The following PACRG variants were observed in gnomAD, a reference collection of about 807,000 sequenced individuals.
The protein encoded by PACRG is parkin coregulated.
A neutral mutation model predicts 29.7 loss-of-function variants in PACRG; 29 were observed. The ratio of observed to expected loss-of-function variants is 0.98; its 90% CI spans 0.73 to 1.33. The LOEUF (loss-of-function observed/expected upper bound fraction) is 1.33. Among genes scored for constraint, PACRG ranks in the 40% most tolerant of loss-of-function variants. PACRG has a pLI of 0.00. For synonymous variants in PACRG, 116 were observed against 118.7 expected (o/e 0.98, Z 0.15); for missense variants, 279 against 316.2 (o/e 0.88, Z 0.89).
At chr6:162,798,042 C>G (rs958157055) in intron 1 of PACRG, among the ~76,000 whole-genome samples, 1 of 152,124 alleles carries the variant, frequency 6.6e-6, no homozygotes, top group Non-Finnish European at 1.5e-5. Flanking sequence ...AGTTTTGCTG[C>G]TCTTTTAAAT....
At chr6:162,750,132 A>G (rs2128278581) in intron 1 of PACRG, among the ~76,000 whole-genome samples, 1 of 152,330 alleles carries the variant, frequency 6.6e-6, no homozygotes, top group East Asian at 1.9e-4. Context: ...GTGTACATAA[A>G]ACTTAAATTT....
chr6:163,131,687 G>A (rs1166077745), intron 4 of PACRG, among the ~76,000 whole-genome samples: 4 of 152,146 alleles, frequency 2.6e-5, no homozygotes, highest in Admixed American at 2.0e-4. Context: ...GCCCTCAGCT[G>A]TGAATCGGAG....
At position 163,032,666 on chromosome 6, in the gene PACRG, G is replaced by A. The variant is rs186309198; in HGVS notation, c.292-29484G>A. On this transcript the variant is annotated intron_variant, in intron 2 of 4. Transcript: ENST00000366888. ...AACATTTATACAAATACAGCCCAAA[G>A]AAAACCAATCATTTTATATTTGACA... is the stretch of plus-strand genomic sequence containing the variant. 1.4e-4 allele frequency among the ~76,000 whole-genome samples: 22 copies of A among 152,242 alleles called. No individual in the cohort carries two copies. In the East Asian group the frequency reaches 4.2e-3, roughly 29 times the overall value.
intron 2 of PACRG, chr6:163,052,181 C>A (rs1380573498): frequency 6.6e-6 from 1 of 152,076 alleles, no homozygotes; most frequent in Non-Finnish European, 1.5e-5. Context: ...TGTAAGACCT[C>A]TTGTAATAAC....
At chr6:162,874,118 C>A (rs1018329733) in intron 2 of PACRG, among the ~76,000 whole-genome samples, 4 of 128,490 alleles carry the variant, frequency 3.1e-5, no homozygotes, top group Non-Finnish European at 4.8e-5. Flanking sequence ...CCAGACAGAT[C>A]AGGCAAAAAC....
At chr6:163,087,692 G>C (rs1294413018) in intron 3 of PACRG, among the ~76,000 whole-genome samples, 1 of 151,652 alleles carries the variant, frequency 6.6e-6, no homozygotes, top group Non-Finnish European at 1.5e-5. Context: ...GACCAGAAGA[G>C]AGGAGGTGAG....
intron 4 of PACRG, among the ~76,000 whole-genome samples, chr6:163,133,265 A>G (rs189373185): frequency 2.6e-5 from 4 of 152,340 alleles, no homozygotes; most frequent in East Asian, 1.9e-4. Context: ...ACTCAGTCAC[A>G]TGACCACACC....
chr6:163,073,246 A>G (rs1031690484), intron 3 of PACRG, among the ~76,000 whole-genome samples: 2 of 152,188 alleles, frequency 1.3e-5, no homozygotes, highest in East Asian at 3.8e-4. Context: ...GACCAGTGGA[A>G]CAGCATAGAT....
intron 1 of PACRG, among the ~76,000 whole-genome samples, chr6:162,753,772 A>G (rs906669385): frequency 6.6e-6 from 1 of 152,144 alleles, no homozygotes; most frequent in African/African-American, 2.4e-5. Context: ...TATGTAAGAC[A>G]TGCCTTGCTT....
intron 2 of PACRG, among the ~76,000 whole-genome samples, chr6:162,883,006 G>A (rs1336464320): frequency 2.0e-5 from 3 of 152,166 alleles, no homozygotes; most frequent in Non-Finnish European, 4.4e-5. Context: ...TCACTGGCAG[G>A]GGCACCTCGA....
At chr6:162,958,707 G>A (rs956311152) in intron 2 of PACRG, among the ~76,000 whole-genome samples, 7 of 149,938 alleles carry the variant, frequency 4.7e-5, no homozygotes, top group African/African-American at 1.7e-4. Flanking sequence ...GTATGTGGAG[G>A]CAGACAATAA....
At chr6:162,806,131 C>T (rs796450213) in intron 1 of PACRG, among the ~76,000 whole-genome samples, 2 of 147,192 alleles carry the variant, frequency 1.4e-5, no homozygotes, top group African/African-American at 2.5e-5. Flanking sequence ...TTTTTTAGAT[C>T]GAGTTTCACT....
At chr6:163,101,484 G>T (rs1322851714) in intron 4 of PACRG, 2 of 863,110 alleles carry the variant, frequency 2.3e-6, no homozygotes, top group East Asian at 1.2e-4. Context: ...CTTAGATGTT[G>T]TTCTTTCTGG....
At chr6:162,905,968 G>A (rs1795903778) in intron 2 of PACRG, among the ~76,000 whole-genome samples, 1 of 152,124 alleles carries the variant, frequency 6.6e-6, no homozygotes, top group Admixed American at 6.5e-5. Flanking sequence ...CAGCATGGGA[G>A]CCATTTTGCA....
At position 162,739,634 on chromosome 6, in the gene PACRG, G is replaced by A. The variant is rs192258791; in HGVS notation, c.156+11243G>A. Among the ~76,000 whole-genome samples, 15 of 152,106 alleles carry A rather than the reference G, an allele frequency of 9.9e-5. No individual in the cohort carries two copies. The East Asian group carries it at 2.7e-3, about 28-fold the overall frequency. ...TGACGCAGGTGAATCACGAGGTCAG[G>A]AGATTGAGACCATCCCGGCTAACAT... On this transcript the variant is annotated intron_variant, in intron 1 of 4. Transcript: ENST00000366888.
intron 2 of PACRG, among the ~76,000 whole-genome samples, chr6:163,057,949 A>G (rs889480010): frequency 6.6e-6 from 1 of 152,212 alleles, no homozygotes; most frequent in Non-Finnish European, 1.5e-5. Context: ...AAAATATGCC[A>G]TTCCAGTCAA....
intron 2 of PACRG, among the ~76,000 whole-genome samples, chr6:163,031,913 T>C (rs934552352): frequency 2.6e-5 from 4 of 152,232 alleles, no homozygotes; most frequent in Non-Finnish European, 4.4e-5. Context: ...ACAGCTTTTA[T>C]TGGCTCTACA....
At chr6:162,728,967 CT>C (rs1779517046) in intron 1 of PACRG, among the ~76,000 whole-genome samples, 1 of 152,038 alleles carries the variant, frequency 6.6e-6, no homozygotes, top group South Asian at 2.1e-4. Context: ...CCTGACAGGC[CT>C]TTTAAGATGA....
intron 4 of PACRG, among the ~76,000 whole-genome samples, chr6:163,261,427 G>T (rs1783322281): frequency 1.3e-5 from 2 of 151,958 alleles, no homozygotes; most frequent in Admixed American, 6.5e-5. Context: ...CCCACCCCCT[G>T]AGGTGCTGGA....
Sources: allele counts gnomAD v4.1 joint callset (sites outside exome capture counted in the v4.1 genomes callset), GRCh38; gene constraint gnomAD v4.1.1; transcripts MANE v1.5; gene names NCBI Gene and HGNC (gene_info 2026-07-23, HGNC 2026-07-21).